Variants in SRCIN1 observed in about 807,000 individuals in gnomAD.
SRCIN1 encodes P130Cas-associated protein.
Under a neutral mutation model 116.2 loss-of-function variants are expected in SRCIN1, and 50 were observed. The ratio of observed to expected loss-of-function variants is 0.43; its 90% CI spans 0.34 to 0.54. SRCIN1 has a LOEUF of 0.54. Ranked by LOEUF, SRCIN1 falls within the 20% of genes least tolerant of loss-of-function variation. The pLI, the probability that SRCIN1 is intolerant of heterozygous loss-of-function variation, is 0.02. For synonymous variants in SRCIN1, 736 were observed against 750.0 expected (o/e 0.98, Z 0.30); for missense variants, 1,446 against 1,672.0 (o/e 0.86, Z 2.36).
intron 18 of SRCIN1, chr17:38,542,950 A>G: frequency 2.5e-6 from 1 of 403,116 alleles, no homozygotes; most frequent in Non-Finnish European, 5.1e-6. Flanking sequence ...CCTCACACCC[A>G]GAATGGGCCT....
chr17:38,563,630 T>C lies in SRCIN1; in HGVS notation c.542-109A>G. Reference sequence around the variant, plus strand: ...GCGCCAGCCCCGCAGCGGCAGGGTCTGAGGCTAGACGCCGCCCCCGAGTGC... The same window carrying C: ...GCGCCAGCCCCGCAGCGGCAGGGTCCGAGGCTAGACGCCGCCCCCGAGTGC... On this transcript the variant is annotated intron_variant, in intron 4 of 18. Transcript: ENST00000617146. This position sits in a 1 kb window ranked among gnomAD's most constrained non-coding sequence, Gnocchi z 5.8. 1.4e-6 allele frequency: 2 copies of C among 1,442,124 alleles called. No homozygotes were observed. The highest frequency in any genetic ancestry group is 1.2e-5 in the South Asian group (1 of 81,960). 89.3% of individuals were successfully genotyped at this position (1,442,124 alleles called of 1,614,324 possible).
rs1409379577 is a variant in SRCIN1, at chr17:38,530,749, C to T, written c.*2548G>A. On this transcript the variant is annotated 3_prime_UTR_variant, in exon 19 of 19. Transcript: ENST00000617146. ...AAGTCTCTGGCTCTCGGCATGTCTG[C>T]ACACACATTACACATGTTCTCACAC... 11 of 152,336 alleles carry T rather than the reference C, an allele frequency of 7.2e-5. No individual in the cohort carries two copies. Among genetic ancestry groups the T allele is most frequent in the Admixed American group, 7.2e-4 (11 of 15,296 alleles). The allele number at this position is 152,336 out of a possible 1,614,324, so 9.4% of individuals were successfully genotyped here.
Position 38,563,853 on chromosome 17 carries a change from T to C in SRCIN1, c.541+265A>G. ...GTTGGAGAGAGTTAGAGAAGGGAGATGGGAGAGAAGGGAGGGATGAAAGAA... is the reference window on the plus strand; with the variant it reads ...GTTGGAGAGAGTTAGAGAAGGGAGACGGGAGAGAAGGGAGGGATGAAAGAA... On this transcript the variant is annotated intron_variant, in intron 4 of 18. Coordinates refer to ENST00000617146, the MANE Select transcript of SRCIN1 (RefSeq NM_025248.3). The surrounding 1 kb of genome is among the most constrained non-coding windows in gnomAD (Gnocchi z 5.8). The C allele has an allele frequency of 1.7e-6, 1 of 601,760 alleles. No homozygotes were observed. Among genetic ancestry groups the C allele is most frequent in the Non-Finnish European group, 2.9e-6 (1 of 342,064 alleles). The allele number at this position is 601,760 out of a possible 1,614,324, so 37.3% of individuals were successfully genotyped here. A position where few individuals can be genotyped will look rare whatever the true frequency, so the allele number is the denominator to read the frequency against.
intron 1 of SRCIN1, among the ~76,000 whole-genome samples, chr17:38,583,560 T>TTTTG (rs1422421852): frequency 7.4e-5 from 11 of 148,326 alleles, no homozygotes; most frequent in African/African-American, 2.5e-4. Context: ...TTTTTTTTTT[T>TTTTG]TTTTTTTTTT....
At chr17:38,561,084 C>T (rs902456048) in intron 7 of SRCIN1, among the ~76,000 whole-genome samples, 4 of 152,202 alleles carry the variant, frequency 2.6e-5, no homozygotes, top group African/African-American at 9.7e-5. Flanking sequence ...TTCAGCTGTC[C>T]CGGTGCTGGA....
chr17:38,571,262 T>C (rs1230118331), intron 2 of SRCIN1, among the ~76,000 whole-genome samples: 2 of 152,158 alleles, frequency 1.3e-5, no homozygotes, highest in Non-Finnish European at 2.9e-5. Context: ...CCTCACCCCT[T>C]TCCAGGGTGT....
At chr17:38,555,321 G>C (rs1905713232) in intron 11 of SRCIN1, among the ~76,000 whole-genome samples, 1 of 152,140 alleles carries the variant, frequency 6.6e-6, no homozygotes, top group Admixed American at 6.5e-5. Context: ...TCCCATGTAA[G>C]GTCCTCCATG....
At chr17:38,545,841 T>C (rs1463105438) in intron 17 of SRCIN1, among the ~76,000 whole-genome samples, 1 of 152,192 alleles carries the variant, frequency 6.6e-6, no homozygotes, top group Non-Finnish European at 1.5e-5. Flanking sequence ...CTGGGCATGT[T>C]GTGAGTGCTT....
At chr17:38,599,545 T>C (rs375452823) in intron 1 of SRCIN1, among the ~76,000 whole-genome samples, 1 of 152,158 alleles carries the variant, frequency 6.6e-6, no homozygotes, top group South Asian at 2.1e-4. Context: ...AGGTGAAAGA[T>C]GCAAAAATAC....
chr17:38,543,732 C>A, intron 18 of SRCIN1, 91 bp downstream of exon 18: 1 of 1,505,422 alleles, frequency 6.6e-7, no homozygotes, highest in South Asian at 1.3e-5. Context: ...GAAAGCTGGT[C>A]ACGGGAGCAG....
intron 11 of SRCIN1, among the ~76,000 whole-genome samples, chr17:38,555,110 C>T (rs1478222344): frequency 6.6e-6 from 1 of 152,218 alleles, no homozygotes; most frequent in African/African-American, 2.4e-5. Flanking sequence ...GCTTTCATTA[C>T]TTTAATTAAC....
rs192656674 is a variant in SRCIN1, at chr17:38,551,632, T to C, written c.2728-243A>G. On this transcript the variant is annotated intron_variant, in intron 14 of 18. Transcript: ENST00000617146. ...CTTAGATCTATTTCTGGGCATTCTA[T>C]TGTTTCACTGACTACATAGTCTATT... 379 of 655,292 alleles carry C rather than the reference T, an allele frequency of 5.8e-4. 2 individuals are homozygous for C. In the African/African-American group the frequency reaches 6.2e-3, roughly 11 times the overall value. The allele number at this position is 655,292 out of a possible 1,614,324, so 40.6% of individuals were successfully genotyped here. A position where few individuals can be genotyped will look rare whatever the true frequency, so the allele number is the denominator to read the frequency against.
Position 38,563,867 on chromosome 17 carries a change from G to A in SRCIN1, c.541+251C>T. The A allele has an allele frequency of 3.3e-6, 2 of 611,162 alleles. No homozygotes were observed. The highest frequency in any genetic ancestry group is 2.0e-5 in the South Asian group (1 of 50,986). The allele number at this position is 611,162 out of a possible 1,614,324, so 37.9% of individuals were successfully genotyped here. On this transcript the variant is annotated intron_variant, in intron 4 of 18. Transcript: ENST00000617146. This position sits in a 1 kb window ranked among gnomAD's most constrained non-coding sequence, Gnocchi z 5.8. ...GAGAAGGGAGATGGGAGAGAAGGGA[G>A]GGATGAAAGAAAGGGACAGAAAAGG...
At chr17:38,599,353 C>G (rs1269900020) in intron 1 of SRCIN1, among the ~76,000 whole-genome samples, 1 of 152,168 alleles carries the variant, frequency 6.6e-6, no homozygotes, top group Non-Finnish European at 1.5e-5. Flanking sequence ...TTCTCTCTTT[C>G]TCCTCCTCTT....
In SRCIN1 at chr17:38,560,075, C is replaced by A; in HGVS notation, c.1816G>T (p.Gly606Ter). The A allele has an allele frequency of 6.4e-7, 1 of 1,556,472 alleles. No homozygotes were observed. The highest frequency in any genetic ancestry group is 2.4e-5 in the East Asian group (1 of 41,506). ...TCACGTGCTGAGGGGGTGGCTGCTCCATTGGAGCCTTCAATCTTCTCGCTG... is the reference window on the plus strand; with the variant it reads ...TCACGTGCTGAGGGGGTGGCTGCTCAATTGGAGCCTTCAATCTTCTCGCTG... Reference protein sequence around the residue: ...TPSEKIEGSNGAATPSAPCGS... With the variant: ...TPSEKIEGSN The change falls in exon 9 of 19, where the codon GGA (glycine) becomes TGA (stop). Residue 606 changes from glycine (G) to a stop codon, truncating the protein, a stop_gained. Coordinates refer to ENST00000617146, the MANE Select transcript of SRCIN1 (RefSeq NM_025248.3). LOFTEE classifies it high-confidence loss of function.
At chr17:38,598,547 C>T (rs1289277135) in intron 1 of SRCIN1, among the ~76,000 whole-genome samples, 4 of 152,136 alleles carry the variant, frequency 2.6e-5, no homozygotes, top group African/African-American at 7.2e-5. Context: ...CCTCTATGGG[C>T]CCCTGGGTCT....
Position 38,560,438 on chromosome 17 carries a change from G to A in SRCIN1, c.1701-13C>T. ...CTCCATGCGCTCCCTGGGGAGGAAG[G>A]GGGTCTGGGCAACCTCGCCTCTGAG... On this transcript the variant is annotated splice_polypyrimidine_tract_variant and intron_variant, in intron 7 of 18. Coordinates refer to ENST00000617146, the MANE Select transcript of SRCIN1 (RefSeq NM_025248.3). 1 of 1,601,870 alleles carries A rather than the reference G, an allele frequency of 6.2e-7. No homozygotes were observed. Among genetic ancestry groups the A allele is most frequent in the Non-Finnish European group, 8.5e-7 (1 of 1,174,146 alleles).
At position 38,530,134 on chromosome 17, in the gene SRCIN1, AAG is replaced by A. The variant is rs749768331; in HGVS notation, c.*3161_*3162del. 1 of 152,324 alleles carries A rather than the reference AAG, an allele frequency of 6.6e-6. No homozygotes were observed. Among genetic ancestry groups the A allele is most frequent in the African/African-American group, 2.4e-5 (1 of 41,464 alleles). 9.4% of individuals were successfully genotyped at this position (152,324 alleles called of 1,614,324 possible). A position where few individuals can be genotyped will look rare whatever the true frequency, so the allele number is the denominator to read the frequency against. ...GGGAGAAGAAAAAAGGACATTAAAA[AAG>A]AGAGACAGAGAAAACACAGCAACCC... On this transcript the variant is annotated 3_prime_UTR_variant, in exon 19 of 19. Transcript: ENST00000617146.
At chr17:38,542,052 T>TGGGG (rs137903145) in intron 18 of SRCIN1, 5 of 105,268 alleles carry the variant, frequency 4.7e-5, no homozygotes, top group African/African-American at 1.8e-4. Context: ...TATGCAGGTG[T>TGGGG]GGGGGGGGTC....
Sources: gnomAD v4.1 joint callset for allele counts (sites outside exome capture counted in the v4.1 genomes callset) on GRCh38, gnomAD v4.1.1 for gene constraint, Gnocchi (gnomAD v3.1) non-coding constraint, MANE v1.5 for transcripts, NCBI Gene and HGNC (gene_info 2026-07-23, HGNC 2026-07-21) for gene names.